SELE: variants seen among roughly 807,000 people sequenced by gnomAD.
SELE encodes the protein E-selectin.
In SELE, 52 loss-of-function variants were observed where a neutral mutation model predicts 75.8. The ratio of observed to expected loss-of-function variants is 0.69; its 90% CI spans 0.55 to 0.86. The LOEUF (loss-of-function observed/expected upper bound fraction) is 0.86, where lower values mean the gene tolerates loss of function less well. Ranked by LOEUF, SELE falls within the 40% of genes least tolerant of loss-of-function variation. The pLI, the probability that SELE is intolerant of heterozygous loss-of-function variation, is 0.00. For synonymous variants in SELE, 285 were observed against 258.7 expected, an observed-to-expected ratio of 1.10 and a Z score of -0.98; for missense variants, 754 against 732.7, an observed-to-expected ratio of 1.03 and a Z score of -0.34.
At chr1:169,732,588 C>T (rs1365411873) in intron 3 of SELE, 27 bp downstream of exon 3, 1 of 1,530,502 alleles carries the variant, frequency 6.5e-7, no homozygotes, top group Non-Finnish European at 8.8e-7. Context: ...CTGAAACTAC[C>T]TCCCACTGCT....
chr1:169,732,327 A>G (rs1001877461), intron 3 of SELE, among the ~76,000 whole-genome samples: 1 of 150,086 alleles, frequency 6.7e-6, no homozygotes, highest in East Asian at 2.0e-4. Flanking sequence ...ATGTGTGTAT[A>G]TGTGTGTATG....
chr1:169,728,248 T>C lies in SELE; in HGVS notation c.1091-2A>G, dbSNP rs750537162. ...TGGACAAGGCTGTGCACTGGAAAGCTGAGACATCAAAATGATGGTCAGAAA... is the reference window on the plus strand; with the variant it reads ...TGGACAAGGCTGTGCACTGGAAAGCCGAGACATCAAAATGATGGTCAGAAA... On this transcript the variant is annotated splice_acceptor_variant, in intron 7 of 13. Coordinates refer to ENST00000333360, the MANE Select transcript of SELE (RefSeq NM_000450.2). LOFTEE classifies it high-confidence loss of function. 6.2e-7 allele frequency: 1 copy of C among 1,612,328 alleles called. No individual in the cohort carries two copies. The highest frequency in any genetic ancestry group is 8.5e-7 in the Non-Finnish European group (1 of 1,179,388).
At chr1:169,729,714 G>T (rs749290986) in intron 5 of SELE, 41 bp from the exon 6 acceptor site, 1 of 1,597,166 alleles carries the variant, frequency 6.3e-7, no homozygotes, top group Non-Finnish European at 8.6e-7. Context: ...ACAGAAGAAT[G>T]ATCTTTTCAC....
chr1:169,733,230 A>T (rs1247674909), intron 2 of SELE, among the ~76,000 whole-genome samples: 2 of 152,234 alleles, frequency 1.3e-5, no homozygotes, highest in African/African-American at 4.8e-5. Context: ...ACATTATAGT[A>T]TACCCATTTT....
At chr1:169,725,454 G>A (rs546527242) in intron 13 of SELE, among the ~76,000 whole-genome samples, 3 of 151,714 alleles carry the variant, frequency 2.0e-5, no homozygotes, top group Non-Finnish European at 4.4e-5. Context: ...AGAGTTCCTA[G>A]CTTAGAAAAA....
In SELE at chr1:169,727,539, G is replaced by A; in HGVS notation, c.1469-14C>T. On this transcript the variant is annotated splice_polypyrimidine_tract_variant and intron_variant, in intron 9 of 13. Coordinates refer to ENST00000333360, the MANE Select transcript of SELE (RefSeq NM_000450.2). Reference sequence around the variant, plus strand: ...AACATTTTACCACTGCAAATGTTAGGTACACAGGCAGAGTTTCAGAAAAAT... The same window carrying A: ...AACATTTTACCACTGCAAATGTTAGATACACAGGCAGAGTTTCAGAAAAAT... 1 of 1,599,410 alleles carries A rather than the reference G, an allele frequency of 6.3e-7. No individual in the cohort carries two copies. Among genetic ancestry groups the A allele is most frequent in the South Asian group, 1.1e-5 (1 of 88,290 alleles).
chr1:169,729,290 G>C lies in SELE; in HGVS notation c.986C>G (p.Ser329Ter). Residue 329 changes from serine (S) to a stop codon, truncating the protein, a stop_gained, in exon 7 of 14, where the codon TCA becomes TGA. Transcript: ENST00000333360. LOFTEE classifies it high-confidence loss of function. ...TTCCTCACAGGTGAAGTTGCAGGAT[G>C]ATTTGAAGGTGAACTCTCCAGCAGG... ...HSPAGEFTFK[S>*]SCNFTCEEGF... The C allele has an allele frequency of 6.2e-7, 1 of 1,614,126 alleles. No individual in the cohort carries two copies. The highest frequency in any genetic ancestry group is 8.5e-7 in the Non-Finnish European group (1 of 1,180,012).
Position 169,730,574 on chromosome 1 carries a change from C to A in SELE, c.573G>T (p.Leu191=). 3.1e-6 allele frequency: 5 copies of A among 1,614,016 alleles called. No homozygotes were observed. Among genetic ancestry groups the A allele is most frequent in the African/African-American group, 1.3e-5 (1 of 75,030 alleles). Residue 191 remains leucine, a synonymous_variant, in exon 5 of 14, where the codon CTG becomes CTT. Transcript: ENST00000333360. ...AGTTTCCCAGTGGGTGACTGCAAAC[C>A]AGGCTTCCATGCTCAGGGGATTCCA... ...TALESPEHGS[L]VCSHPLGNFS...
At position 169,723,621 on chromosome 1, in the gene SELE, C is replaced by T. The variant is rs1321660768; in HGVS notation, c.*904G>A. The T allele has an allele frequency of 6.6e-6, 1 of 152,196 alleles. No individual in the cohort carries two copies. Among genetic ancestry groups the T allele is most frequent in the Non-Finnish European group, 1.5e-5 (1 of 68,014 alleles). 9.4% of individuals were successfully genotyped at this position (152,196 alleles called of 1,614,324 possible). A position where few individuals can be genotyped will look rare whatever the true frequency, so the allele number is the denominator to read the frequency against. Reference sequence around the variant, plus strand: ...CCAATTCTACCATGTTTTCAAAAAACAACTGTAGTAAAAACACTCAGAACT... The same window carrying T: ...CCAATTCTACCATGTTTTCAAAAAATAACTGTAGTAAAAACACTCAGAACT... On this transcript the variant is annotated 3_prime_UTR_variant, in exon 14 of 14. Coordinates refer to ENST00000333360, the MANE Select transcript of SELE (RefSeq NM_000450.2).
intron 10 of SELE, among the ~76,000 whole-genome samples, chr1:169,727,068 C>T (rs1000173481): frequency 6.6e-6 from 1 of 152,162 alleles, no homozygotes; most frequent in Non-Finnish European, 1.5e-5. Flanking sequence ...GGTTAATAAA[C>T]ACTGCACTTG....
At chr1:169,725,877 T>C in intron 12 of SELE, 30 bp downstream of exon 12, 1 of 1,614,040 alleles carries the variant, frequency 6.2e-7, no homozygotes, top group Non-Finnish European at 8.5e-7. Context: ...GAATGTTCAA[T>C]GGCATGCTTT....
chr1:169,726,738 CTAA>C lies in SELE; in HGVS notation c.1711_1713del (p.Leu571del). ...TTCCGAAGCCAGAGGAGAAATGGTGCTAATGTCAGGAGGGAGAGTCCAGCAGCA... is the reference window on the plus strand; with the variant it reads ...TTCCGAAGCCAGAGGAGAAATGGTGCTGTCAGGAGGGAGAGTCCAGCAGCA... On this transcript the variant is annotated inframe_deletion, in exon 11 of 14. Transcript: ENST00000333360. 1.9e-6 allele frequency: 3 copies of C among 1,613,846 alleles called. No individual in the cohort carries two copies. Among genetic ancestry groups the C allele is most frequent in the Non-Finnish European group, 1.7e-6 (2 of 1,179,888 alleles).
Position 169,730,432 on chromosome 1 carries a change from C to A in SELE, c.715G>T (p.Val239Leu). The change falls in exon 5 of 14, where the codon GTG becomes TTG. Residue 239 changes from valine (V) to leucine (L), a missense_variant and splice_region_variant. Transcript: ENST00000333360. Reference protein sequence around the residue: ...EWSAPIPACNVVECDAVTNPA... With the variant: ...EWSAPIPACNLVECDAVTNPA... ...TCTGTGCATTCTCAGAGGGATTTAC[C>A]ATTGCAGGCTGGAATAGGAGCACTC... is the stretch of plus-strand genomic sequence containing the variant. The A allele has an allele frequency of 6.3e-7, 1 of 1,582,916 alleles. No individual in the cohort carries two copies. Among genetic ancestry groups the A allele is most frequent in the South Asian group, 1.2e-5 (1 of 86,000 alleles).
chr1:169,731,854 A>C lies in SELE; in HGVS notation c.510T>G (p.Ser170Arg), dbSNP rs764155462. The change falls in exon 4 of 14, where the codon AGT becomes AGG. Residue 170 changes from serine to arginine, a missense_variant. Physicochemically the swap from Ser to Arg is moderately radical, Grantham distance 110. Transcript: ENST00000333360. ...NYTCKCDPGF[S>R]GLKCEQIVNC... ...ACTTACTTTGCTCACACTTGAGTCC[A>C]CTGAAGCCAGGGTCACACTTGCAAG... 6.2e-7 allele frequency: 1 copy of C among 1,613,370 alleles called. No homozygotes were observed. Among genetic ancestry groups the C allele is most frequent in the South Asian group, 1.1e-5 (1 of 91,070 alleles).
Position 169,728,103 on chromosome 1 carries a change from A to AT in SELE, c.1233dup (p.Cys412MetfsTer15). ...TTGTCCCACTCCCCTGTGGGGCCACATTGGAGCCTTTTGGATCCCTTCAAC... is the reference window on the plus strand; with the variant it reads ...TTGTCCCACTCCCCTGTGGGGCCACATTTGGAGCCTTTTGGATCCCTTCAAC... On this transcript the variant is annotated frameshift_variant, in exon 8 of 14. Transcript: ENST00000333360. LOFTEE classifies it high-confidence loss of function. The AT allele has an allele frequency of 6.2e-7, 1 of 1,614,220 alleles. No individual in the cohort carries two copies. Among genetic ancestry groups the AT allele is most frequent in the Non-Finnish European group, 8.5e-7 (1 of 1,180,024 alleles).
intron 10 of SELE, 107 bp downstream of exon 10, chr1:169,727,242 G>A (rs1419027301): frequency 1.6e-6 from 2 of 1,239,964 alleles, no homozygotes; most frequent in African/African-American, 1.5e-5. Flanking sequence ...TTGTCAACCT[G>A]GGCGAACTTT....
At chr1:169,732,291 T>A (rs1571147185) in intron 3 of SELE, among the ~76,000 whole-genome samples, 1 of 128,440 alleles carries the variant, frequency 7.8e-6, no homozygotes, top group South Asian at 2.4e-4. Flanking sequence ...TTTATATATA[T>A]TTTATATATA....
chr1:169,727,608 T>C (rs1375952275), intron 9 of SELE, 83 bp from the exon 10 acceptor site: 2 of 1,555,666 alleles, frequency 1.3e-6, no homozygotes, highest in Non-Finnish European at 1.7e-6. Context: ...CAACAATGAA[T>C]GTAAAGTGTA....
rs1648922347 is a variant in SELE, at chr1:169,731,927, G to A, written c.437C>T (p.Thr146Ile). The A allele has an allele frequency of 6.2e-7, 1 of 1,612,574 alleles. No homozygotes were observed. The highest frequency in any genetic ancestry group is 8.5e-7 in the Non-Finnish European group (1 of 1,178,664). The change falls in exon 4 of 14, where the codon ACA becomes ATA. Residue 146 changes from threonine (T) to isoleucine (I), a missense_variant. By Grantham distance (89) the Thr-to-Ile change is moderately conservative (BLOSUM62 -1). Transcript: ENST00000333360. ...ALCYTAACTN[T>I]SCSGHGECVE... ...ACATTCACCGTGGCCACTGCAGGAT[G>A]TATTGGTACAGGCAGCTACGGAAAA... is the stretch of plus-strand genomic sequence containing the variant.
Sources: gnomAD v4.1 joint callset for allele counts (sites outside exome capture counted in the v4.1 genomes callset) on GRCh38, gnomAD v4.1.1 for gene constraint, MANE v1.5 for transcripts, NCBI Gene and HGNC (gene_info 2026-07-23, HGNC 2026-07-21) for gene names.